The following CTNNA2 variants were observed in gnomAD, a reference collection of about 807,000 sequenced individuals.
CTNNA2 encodes the protein catenin alpha 2, also known as catenin alpha-2.
A neutral mutation model predicts 101.0 loss-of-function variants in CTNNA2; 42 were observed. The ratio of observed to expected loss-of-function variants is 0.42; its 90% CI spans 0.32 to 0.54. The LOEUF (loss-of-function observed/expected upper bound fraction) is 0.54, where lower values mean the gene tolerates loss of function less well. Ranked by LOEUF, CTNNA2 falls within the 20% of genes least tolerant of loss-of-function variation. The pLI, the probability that CTNNA2 is intolerant of heterozygous loss-of-function variation, is 0.14. For synonymous variants in CTNNA2, 450 were observed against 456.4 expected, an observed-to-expected ratio of 0.99 and a Z score of 0.18; for missense variants, 871 against 1,223.1, an observed-to-expected ratio of 0.71 and a Z score of 4.29.
intron 7 of CTNNA2, among the ~76,000 whole-genome samples, chr2:80,350,308 G>C (rs1222471188): frequency 6.6e-6 from 1 of 152,134 alleles, no homozygotes. Flanking sequence ...GAATGAAATG[G>C]TAAGTTTTAT....
chr2:79,509,355 G>A (rs1197789355), upstream of CTNNA2, among the ~76,000 whole-genome samples: 1 of 152,122 alleles, frequency 6.6e-6, no homozygotes, highest in Non-Finnish European at 1.5e-5. Flanking sequence ...AAACTTGGAA[G>A]CAATCTAGAT....
chr2:80,532,291 T>C (rs1292987780), intron 9 of CTNNA2, among the ~76,000 whole-genome samples: 1 of 152,162 alleles, frequency 6.6e-6, no homozygotes, highest in Non-Finnish European at 1.5e-5. Flanking sequence ...AACTCATACA[T>C]TTTAAATTGA....
chr2:79,344,101 T>C (rs1056821356), intron 3 of CTNNA2, among the ~76,000 whole-genome samples: 2 of 152,024 alleles, frequency 1.3e-5, no homozygotes, highest in African/African-American at 4.8e-5. Flanking sequence ...ACTCAGCTCC[T>C]TTCCACTTGT....
chr2:79,869,757 A>AT, intron 4 of CTNNA2, 59 bp from the exon 5 acceptor site: 2 of 1,569,906 alleles, frequency 1.3e-6, no homozygotes, highest in Non-Finnish European at 1.7e-6. Flanking sequence ...CATTTCTAAC[A>AT]TGTTGAATAA....
intron 3 of CTNNA2, among the ~76,000 whole-genome samples, chr2:79,828,050 T>C (rs926671415): frequency 3.9e-5 from 6 of 152,246 alleles, no homozygotes; most frequent in Non-Finnish European, 8.8e-5. Flanking sequence ...CTTTTAGTTA[T>C]ATTATCTTAA....
chr2:79,336,300 C>A (rs559954865), intron 3 of CTNNA2, among the ~76,000 whole-genome samples: 1 of 152,162 alleles, frequency 6.6e-6, no homozygotes, highest in Non-Finnish European at 1.5e-5. Flanking sequence ...GCAGTGGTGT[C>A]ATGCTTGCAA....
intron 1 of CTNNA2, among the ~76,000 whole-genome samples, chr2:79,629,408 A>G (rs1380931554): frequency 1.3e-5 from 2 of 152,214 alleles, no homozygotes; most frequent in African/African-American, 4.8e-5. Flanking sequence ...TTTTTTTAAC[A>G]TAAGTAGGAC....
chr2:80,464,156 T>C (rs1242825098), intron 9 of CTNNA2, among the ~76,000 whole-genome samples: 1 of 152,180 alleles, frequency 6.6e-6, no homozygotes, highest in Non-Finnish European at 1.5e-5. Context: ...TAGTTGATCT[T>C]ATCCCAGCAG....
intron 18 of CTNNA2, among the ~76,000 whole-genome samples, chr2:80,625,795 A>G (rs535763761): frequency 6.6e-6 from 1 of 152,232 alleles, no homozygotes; most frequent in African/African-American, 2.4e-5. Context: ...ATGTGAAAGC[A>G]TCTGACTTCA....
At chr2:80,304,870 G>T in intron 7 of CTNNA2, 1 of 134,088 alleles carries the variant, frequency 7.5e-6, no homozygotes, top group Non-Finnish European at 1.3e-5. Context: ...GTTTTTTGAT[G>T]AAACGGAAAA....
At chr2:79,988,204 A>G (rs1055301316) in intron 7 of CTNNA2, among the ~76,000 whole-genome samples, 1 of 152,200 alleles carries the variant, frequency 6.6e-6, no homozygotes, top group South Asian at 2.1e-4. Context: ...TGCTCCATAT[A>G]CCAGCTACGC....
chr2:80,206,952 A>G, intron 7 of CTNNA2, among the ~76,000 whole-genome samples: 1 of 152,118 alleles, frequency 6.6e-6, no homozygotes, highest in East Asian at 1.9e-4. Context: ...CAATTAGAAA[A>G]AGCAGAGCTG....
intron 2 of CTNNA2, among the ~76,000 whole-genome samples, chr2:79,698,293 A>G (rs927742661): frequency 6.6e-6 from 1 of 152,070 alleles, no homozygotes; most frequent in Non-Finnish European, 1.5e-5. Context: ...TCATGTCTCC[A>G]CAACTAATGG....
intron 9 of CTNNA2, among the ~76,000 whole-genome samples, chr2:80,521,365 A>T (rs1369966017): frequency 6.6e-6 from 1 of 152,184 alleles, no homozygotes; most frequent in Admixed American, 6.5e-5. Flanking sequence ...ATGGAACTCT[A>T]TGTAGAATCA....
chr2:79,278,312 C>T (rs1173848830), intron 2 of CTNNA2, among the ~76,000 whole-genome samples: 2 of 152,110 alleles, frequency 1.3e-5, no homozygotes, highest in African/African-American at 4.8e-5. Flanking sequence ...ATAAATCTAA[C>T]TTAGTTTTCT....
rs181821752 is a variant in CTNNA2, at chr2:80,585,942, G to A, written c.2008-3362G>A. Among the ~76,000 whole-genome samples the A allele has an allele frequency of 5.9e-5, 9 of 152,288 alleles. No homozygotes were observed. In the East Asian group the frequency reaches 1.7e-3, roughly 29 times the overall value. On this transcript the variant is annotated intron_variant, in intron 14 of 18. Coordinates refer to ENST00000402739, the MANE Select transcript of CTNNA2 (RefSeq NM_001282597.3). ...TTTCACCCAAGTCACACACCATTAA[G>A]TGTATTATGCAGGTCGAGCACCCCT... is the stretch of plus-strand genomic sequence containing the variant.
intron 8 of CTNNA2, among the ~76,000 whole-genome samples, chr2:80,404,645 T>G (rs1407101427): frequency 6.6e-6 from 1 of 152,162 alleles, no homozygotes; most frequent in Non-Finnish European, 1.5e-5. Flanking sequence ...GAAAAGGAGC[T>G]ATTGATTCAG....
At chr2:79,403,895 A>C (rs115274657) in intron 4 of CTNNA2, among the ~76,000 whole-genome samples, 8 of 151,978 alleles carry the variant, frequency 5.3e-5, no homozygotes, top group Non-Finnish European at 7.4e-5. Context: ...ATATCCTAGC[A>C]TTCACACACC....
chr2:80,299,064 G>A (rs1676011627), intron 7 of CTNNA2: 1 of 152,076 alleles, frequency 6.6e-6, no homozygotes, highest in South Asian at 2.1e-4. Flanking sequence ...AATCAGCTGG[G>A]AAGGTACTGC....
Sources: allele counts gnomAD v4.1 joint callset (sites outside exome capture counted in the v4.1 genomes callset), GRCh38; gene constraint gnomAD v4.1.1; transcripts MANE v1.5; gene names NCBI Gene and HGNC (gene_info 2026-07-23, HGNC 2026-07-21).